Variants in CREB5 observed in about 807,000 individuals in gnomAD.
CREB5 encodes the protein cAMP responsive element binding protein 5, also known as cyclic AMP-responsive element-binding protein 5.
CREB5 carries 19 observed loss-of-function variants against 57.1 expected under a neutral mutation model. The observed-to-expected ratio is 0.33, with a 90% CI of 0.23 to 0.49. The LOEUF (loss-of-function observed/expected upper bound fraction) is 0.49, where lower values mean the gene tolerates loss of function less well. Among genes scored for constraint, CREB5 ranks in the 20% least tolerant of loss-of-function variants. CREB5 has a pLI of 0.99. For synonymous variants in CREB5, 238 were observed against 238.3 expected (o/e 1.00, Z 0.01); for missense variants, 579 against 671.6 (o/e 0.86, Z 1.52).
chr7:28,463,388 C>G (rs1790431514), intron 1 of CREB5, among the ~76,000 whole-genome samples: 1 of 152,088 alleles, frequency 6.6e-6, no homozygotes, highest in South Asian at 2.1e-4. Flanking sequence ...TGTTCCTTTT[C>G]AAGATTGTTT....
intron 1 of CREB5, among the ~76,000 whole-genome samples, chr7:28,357,082 GC>G (rs200123458): frequency 0.023 from 3,529 of 152,104 alleles, 148 homozygotes; most frequent in African/African-American, 0.081. Flanking sequence ...TGCATCCCTC[GC>G]TAAAGCCACA....
rs111666594 is a variant in CREB5, at chr7:28,611,672, CTAAATAAATAAATAAA to C, written c.464+41164_464+41179del. Among the ~76,000 whole-genome samples, 117 of 135,302 alleles carry C rather than the reference CTAAATAAATAAATAAA, an allele frequency of 8.6e-4. 1 individual carries two copies. In the South Asian group the frequency reaches 0.018, roughly 21 times the overall value. The allele number at this position is 135,302 out of a possible 152,430, so 88.8% of individuals were successfully genotyped here. A position where few individuals can be genotyped will look rare whatever the true frequency, so the allele number is the denominator to read the frequency against. ...GCCTGTGCGACAGAGACTCTGTCTC[CTAAATAAATAAATAAA>C]TAAATAAATAAATAAATAAATAAAT... On this transcript the variant is annotated intron_variant, in intron 5 of 10. Coordinates refer to ENST00000357727, the MANE Select transcript of CREB5 (RefSeq NM_182898.4).
At chr7:28,802,078 G>GAAA (rs35658848) in intron 7 of CREB5, among the ~76,000 whole-genome samples, 4,262 of 26,552 alleles carry the variant, frequency 0.16, 1,230 homozygotes, top group Non-Finnish European at 0.21. Flanking sequence ...GACTCCATCT[G>GAAA]AAAAAAAAAA....
At chr7:28,706,043 A>G (rs1006317534) in intron 5 of CREB5, among the ~76,000 whole-genome samples, 9 of 152,204 alleles carry the variant, frequency 5.9e-5, no homozygotes, top group African/African-American at 2.2e-4. Flanking sequence ...AATACAGGCA[A>G]AAGTGTGTTT....
At chr7:28,753,624 CTGTGT>C (rs1805110081) in intron 7 of CREB5, among the ~76,000 whole-genome samples, 1 of 152,106 alleles carries the variant, frequency 6.6e-6, no homozygotes, top group African/African-American at 2.4e-5. Flanking sequence ...TTTTTCAACC[CTGTGT>C]AGATTACAGC....
At chr7:28,322,064 A>G (rs1397698170) in intron 1 of CREB5, among the ~76,000 whole-genome samples, 1 of 152,230 alleles carries the variant, frequency 6.6e-6, no homozygotes, top group Non-Finnish European at 1.5e-5. Flanking sequence ...AAAAATGCAC[A>G]TTTTAACCAA....
intron 5 of CREB5, among the ~76,000 whole-genome samples, chr7:28,661,147 C>T (rs1489388615): frequency 6.6e-6 from 1 of 152,062 alleles, no homozygotes; most frequent in African/African-American, 2.4e-5. Flanking sequence ...TTGTCTCTTG[C>T]TTCTGGTATT....
intron 4 of CREB5, among the ~76,000 whole-genome samples, chr7:28,525,198 T>C (rs1350961192): frequency 6.6e-6 from 1 of 152,196 alleles, no homozygotes; most frequent in East Asian, 1.9e-4. Flanking sequence ...TGTGTATATA[T>C]ACCACATTTT....
intron 1 of CREB5, among the ~76,000 whole-genome samples, chr7:28,466,734 C>T (rs144102387): frequency 4.6e-5 from 7 of 152,246 alleles, no homozygotes; most frequent in East Asian, 3.9e-4. Context: ...GACATCTCTC[C>T]GGTGTGTTGA....
At chr7:28,640,737 G>A (rs1243744631) in intron 5 of CREB5, among the ~76,000 whole-genome samples, 1 of 152,128 alleles carries the variant, frequency 6.6e-6, no homozygotes, top group Non-Finnish European at 1.5e-5. Context: ...TCCTGCAAAT[G>A]TACGATGCTC....
At chr7:28,722,751 T>C (rs1583615261) in intron 6 of CREB5, among the ~76,000 whole-genome samples, 1 of 152,158 alleles carries the variant, frequency 6.6e-6, no homozygotes, top group Non-Finnish European at 1.5e-5. Flanking sequence ...TTGAAACAGT[T>C]TCACACATCT....
chr7:28,640,414 G>T (rs770118429), intron 5 of CREB5, among the ~76,000 whole-genome samples: 2 of 152,024 alleles, frequency 1.3e-5, no homozygotes, highest in Non-Finnish European at 2.9e-5. Flanking sequence ...AACCAACAAC[G>T]CAAAAATAAG....
At position 28,320,451 on chromosome 7, in the gene CREB5, C is replaced by T. The variant is rs555149243; in HGVS notation, c.-25+21010C>T. On this transcript the variant is annotated intron_variant, in intron 1 of 9. Coordinates refer to the CREB5 transcript ENST00000396299. ...AAAGAAACACCTATAAGAACATGGA[C>T]CACGTAGGAGCCTAGCTTCAAGCTC... is the stretch of plus-strand genomic sequence containing the variant. Among the ~76,000 whole-genome samples, 4 of 152,304 alleles carry T rather than the reference C, an allele frequency of 2.6e-5. No homozygotes were observed. In the South Asian group the frequency reaches 6.2e-4, roughly 24 times the overall value.
At chr7:28,318,869 C>T (rs1250281418) in intron 1 of CREB5, among the ~76,000 whole-genome samples, 1 of 152,122 alleles carries the variant, frequency 6.6e-6, no homozygotes. Flanking sequence ...AATATAACAC[C>T]TGGAAATAAT....
intron 3 of CREB5, among the ~76,000 whole-genome samples, chr7:28,502,845 T>C (rs1028084651): frequency 2.6e-5 from 4 of 152,216 alleles, no homozygotes; most frequent in South Asian, 2.1e-4. Flanking sequence ...TCACTTTGAC[T>C]TTTTTAACCA....
intron 4 of CREB5, among the ~76,000 whole-genome samples, chr7:28,549,332 C>T (rs911300461): frequency 2.0e-5 from 3 of 152,164 alleles, no homozygotes; most frequent in African/African-American, 4.8e-5. Flanking sequence ...TCTGTGGCAT[C>T]CCTGTGAGTT....
chr7:28,407,396 C>A (rs529854972), intron 1 of CREB5, among the ~76,000 whole-genome samples: 3 of 152,138 alleles, frequency 2.0e-5, no homozygotes, highest in African/African-American at 7.2e-5. Context: ...TAACTCGAGT[C>A]GCTGTAGTTA....
In CREB5 at chr7:28,726,597, T is replaced by C. The variant is rs926744226; in HGVS notation, c.702+2265T>C. 3.0e-4 allele frequency: 46 copies of C among 152,176 alleles called. 1 individual carries two copies. 9.4% of individuals were successfully genotyped at this position (152,176 alleles called of 1,614,324 possible). A position where few individuals can be genotyped will look rare whatever the true frequency, so the allele number is the denominator to read the frequency against. On this transcript the variant is annotated intron_variant, in intron 7 of 10. Transcript: ENST00000357727. Reference sequence around the variant, plus strand: ...AGGTTTCTCTGAACTATGGGCTTTGTTGTTCTATGCCTAATTTTCTTCCTG... The same window carrying C: ...AGGTTTCTCTGAACTATGGGCTTTGCTGTTCTATGCCTAATTTTCTTCCTG...
At position 28,432,592 on chromosome 7, in the gene CREB5, C is replaced by A. The variant is rs577751449; in HGVS notation, c.3+19675C>A. Among the ~76,000 whole-genome samples the A allele has an allele frequency of 3.3e-5, 5 of 152,228 alleles. No individual in the cohort carries two copies. In the South Asian group the frequency reaches 1.0e-3, roughly 32 times the overall value. On this transcript the variant is annotated intron_variant, in intron 1 of 10. Coordinates refer to ENST00000357727, the MANE Select transcript of CREB5 (RefSeq NM_182898.4). ...AAGAGTAACTGGGAAAGGAAAAGTT[C>A]TTAAGTCTTAACGCTGGAATTCAAC...
Sources: gnomAD v4.1 joint callset for allele counts (sites outside exome capture counted in the v4.1 genomes callset) on GRCh38, gnomAD v4.1.1 for gene constraint, MANE v1.5 for transcripts, NCBI Gene and HGNC (gene_info 2026-07-23, HGNC 2026-07-21) for gene names.